The following ILDR2 variants were observed in gnomAD, a reference collection of about 807,000 sequenced individuals.
The protein encoded by ILDR2 is immunoglobulin like domain containing receptor 2.
In ILDR2, 25 loss-of-function variants were observed where a neutral mutation model predicts 66.8. The ratio of observed to expected loss-of-function variants is 0.37; its 90% confidence interval spans 0.27 to 0.52. The LOEUF (loss-of-function observed/expected upper bound fraction) is 0.52. ILDR2 is among the 20% of genes least tolerant of loss of function. ILDR2 has a pLI of 0.88. For synonymous variants in ILDR2, 367 were observed against 357.2 expected (o/e 1.03, Z -0.31); for missense variants, 827 against 876.8 (o/e 0.94, Z 0.72).
At chr1:166,948,768 G>A (rs1339347421) in intron 3 of ILDR2, among the ~76,000 whole-genome samples, 1 of 152,210 alleles carries the variant, frequency 6.6e-6, no homozygotes, top group African/African-American at 2.4e-5. Flanking sequence ...CTCTTTAGCA[G>A]GAGTCTCCAA....
intron 1 of ILDR2, among the ~76,000 whole-genome samples, chr1:166,958,303 G>A (rs1662401383): frequency 6.6e-6 from 1 of 152,108 alleles, no homozygotes; most frequent in Non-Finnish European, 1.5e-5. Flanking sequence ...TTGTGTCCCT[G>A]CCCAAATCTC....
chr1:166,899,195 C>A (rs1659221314), intron 2 of ILDR2, among the ~76,000 whole-genome samples: 1 of 151,974 alleles, frequency 6.6e-6, no homozygotes, highest in South Asian at 2.1e-4. Context: ...GAGTTTGAGA[C>A]CAGCCTGACC....
chr1:166,918,824 T>C lies in ILDR2; in HGVS notation c.*531A>G, dbSNP rs1027356783. 6.3e-6 allele frequency: 1 copy of C among 158,394 alleles called. No individual in the cohort carries two copies. Among genetic ancestry groups the C allele is most frequent in the African/African-American group, 2.4e-5 (1 of 41,708 alleles). The allele number at this position is 158,394 out of a possible 1,614,324, so 9.8% of individuals were successfully genotyped here. On this transcript the variant is annotated 3_prime_UTR_variant, in exon 10 of 10. Coordinates refer to ENST00000271417, the MANE Select transcript of ILDR2 (RefSeq NM_199351.3). ...CTGAGCTCACCAAAGGCCTTTTGAT[T>C]TTAGTGTAACAACAGTCATTGACTA... is the stretch of plus-strand genomic sequence containing the variant.
chr1:166,968,270 G>A (rs1280508835), intron 1 of ILDR2, among the ~76,000 whole-genome samples: 1 of 152,086 alleles, frequency 6.6e-6, no homozygotes, highest in Non-Finnish European at 1.5e-5. Flanking sequence ...CCTTTGCACA[G>A]GCTGTTCTCT....
rs1166922463 is a variant in ILDR2 at position 166,917,339 on chromosome 1, A to G, written c.*2016T>C. ...GCCACTTTCTTATTTCATTGCAAAC[A>G]TAGGACTTTTTTTGGAAATGTCATG... On this transcript the variant is annotated 3_prime_UTR_variant, in exon 10 of 10. Transcript: ENST00000271417. The G allele has an allele frequency of 1.3e-5, 2 of 152,254 alleles. No individual in the cohort carries two copies. Among genetic ancestry groups the G allele is most frequent in the Middle Eastern group, 3.2e-3 (1 of 316 alleles). The allele number at this position is 152,254 out of a possible 1,614,324, so 9.4% of individuals were successfully genotyped here.
chr1:166,970,664 T>C (rs1324581967), intron 1 of ILDR2, among the ~76,000 whole-genome samples: 2 of 152,200 alleles, frequency 1.3e-5, no homozygotes, highest in East Asian at 3.8e-4. Context: ...TGCACCGTAG[T>C]GCGAGTAGTG....
At position 166,915,225 on chromosome 1, in the gene ILDR2, T is replaced by C. The variant is rs926451759; in HGVS notation, c.*4130A>G. 6.6e-6 allele frequency: 1 copy of C among 152,354 alleles called. No individual in the cohort carries two copies. Among genetic ancestry groups the C allele is most frequent in the East Asian group, 1.9e-4 (1 of 5,180 alleles). The allele number at this position is 152,354 out of a possible 1,614,324, so 9.4% of individuals were successfully genotyped here. Reference sequence around the variant, plus strand: ...TCCCACTACCACTAGCGTACTCTGGTGAGCCCATCCAGGTCACAGCCAGAC... The same window carrying C: ...TCCCACTACCACTAGCGTACTCTGGCGAGCCCATCCAGGTCACAGCCAGAC... On this transcript the variant is annotated 3_prime_UTR_variant, in exon 10 of 10. Transcript: ENST00000271417.
intron 3 of ILDR2, among the ~76,000 whole-genome samples, chr1:166,946,188 AG>A (rs990643604): frequency 1.3e-5 from 2 of 152,210 alleles, no homozygotes; most frequent in African/African-American, 4.8e-5. Flanking sequence ...AAATTTCCCA[AG>A]GGCACACACA....
At position 166,921,087 on chromosome 1, in the gene ILDR2, G is replaced by A. The variant is rs1256141156; in HGVS notation, c.1504C>T (p.Arg502Cys). ...AGGTGCGCGTCCTCGGCGGGTCTGC[G>A]GCGCGCGGGGCTGAAGGCCCAGCCG... is the stretch of plus-strand genomic sequence containing the variant. The part of the protein sequence containing the change: ...DRGWAFSPAR[R>C]RPAEDAHLPR... The change falls in exon 9 of 10, where the codon CGC becomes TGC. Residue 502 changes from arginine to cysteine, a missense_variant. Arg to Cys is a radical substitution (Grantham distance 180). Coordinates refer to ENST00000271417, the MANE Select transcript of ILDR2 (RefSeq NM_199351.3). This position sits in a 1 kb window ranked among gnomAD's most constrained non-coding sequence, Gnocchi z 5.3. 3 of 1,491,404 alleles carry A rather than the reference G, an allele frequency of 2.0e-6. No individual in the cohort carries two copies. Among genetic ancestry groups the A allele is most frequent in the African/African-American group, 1.5e-5 (1 of 68,694 alleles). 92.4% of individuals were successfully genotyped at this position (1,491,404 alleles called of 1,614,324 possible).
In ILDR2 at chr1:166,898,938, T is replaced by C. The variant is rs545299384; in HGVS notation, n.172-2837A>G. Among the ~76,000 whole-genome samples the C allele has an allele frequency of 1.1e-4, 17 of 151,300 alleles. No homozygotes were observed. In the South Asian group the frequency reaches 3.1e-3, roughly 28 times the overall value. On this transcript the variant is annotated intron_variant and non_coding_transcript_variant, in intron 2 of 2. Coordinates refer to the ILDR2 transcript ENST00000414590. ...AGCCGGACATGGTGGCACATACCTG[T>C]AGTCCCAACAACTTTGGAGGCTGAG...
chr1:166,940,719 T>A (rs1661263706), intron 3 of ILDR2, among the ~76,000 whole-genome samples: 1 of 152,252 alleles, frequency 6.6e-6, no homozygotes, highest in Non-Finnish European at 1.5e-5. Flanking sequence ...TAAAATATTG[T>A]CATTTCAAGG....
At chr1:166,960,840 A>G (rs1030694789) in intron 1 of ILDR2, among the ~76,000 whole-genome samples, 2 of 152,196 alleles carry the variant, frequency 1.3e-5, no homozygotes, top group African/African-American at 4.8e-5. Flanking sequence ...TAGGAAAATA[A>G]ATTTCTTTAT....
chr1:166,922,885 G>A (rs1660042829), intron 7 of ILDR2, 76 bp from the exon 8 acceptor site: 8 of 1,302,270 alleles, frequency 6.1e-6, no homozygotes, highest in Non-Finnish European at 8.9e-6. Context: ...CCTGTTAAGG[G>A]CTGAGACCCT....
chr1:166,909,746 TATATATATATATAA>T lies in ILDR2; in HGVS notation c.*9595_*9608del, dbSNP rs1659424463. ...GTGTGTGTATACATACATATATATA[TATATATATATATAA>T]ATATATATAAATATATATATTTATA... is the stretch of plus-strand genomic sequence containing the variant. On this transcript the variant is annotated 3_prime_UTR_variant, in exon 10 of 10. Transcript: ENST00000271417. The T allele has an allele frequency of 9.0e-6, 1 of 111,108 alleles. No homozygotes were observed. Among genetic ancestry groups the T allele is most frequent in the African/African-American group, 4.0e-5 (1 of 25,062 alleles). The allele number at this position is 111,108 out of a possible 1,614,324, so 6.9% of individuals were successfully genotyped here.
At chr1:166,966,938 C>T (rs1253050702) in intron 1 of ILDR2, among the ~76,000 whole-genome samples, 2 of 152,212 alleles carry the variant, frequency 1.3e-5, no homozygotes, top group African/African-American at 4.8e-5. Flanking sequence ...GCTCCAGAAT[C>T]AAATATACAA....
Position 166,968,171 on chromosome 1 carries a change from C to T in ILDR2, c.46+7052G>A, listed in dbSNP as rs80260845. On this transcript the variant is annotated intron_variant, in intron 1 of 9. Coordinates refer to ENST00000271417, the MANE Select transcript of ILDR2 (RefSeq NM_199351.3). ...AAGCTCCTTTCAGATGGGGCCATTA[C>T]CTTCCATTCTTCCTACAGTACTAAA... 2.7e-3 allele frequency among the ~76,000 whole-genome samples: 404 copies of T among 152,296 alleles called. 3 individuals carry two copies. The East Asian group carries it at 0.037, about 14-fold the overall frequency.
At position 166,922,777 on chromosome 1, in the gene ILDR2, G is replaced by A; in HGVS notation, c.1027C>T (p.His343Tyr). Reference sequence around the variant, plus strand: ...TGGCGGAAATTGCTGTCCTCCTCATGTAGGGAGCTGAGTTCTGAGATGGTG... The same window carrying A: ...TGGCGGAAATTGCTGTCCTCCTCATATAGGGAGCTGAGTTCTGAGATGGTG... Reference protein sequence around the residue: ...NNTISELSSLHEEDSNFRQSF... With the variant: ...NNTISELSSLYEEDSNFRQSF... The change falls in exon 8 of 10, where the codon CAT becomes TAT. Residue 343 changes from histidine to tyrosine, a missense_variant. By Grantham distance (83) the His-to-Tyr change is moderately conservative. This residue lies in a region of ILDR2 where 437 missense variants were observed against 523.2 expected (regional missense o/e 0.84). Transcript: ENST00000271417. 6.2e-7 allele frequency: 1 copy of A among 1,614,204 alleles called. No individual in the cohort carries two copies. Among genetic ancestry groups the A allele is most frequent in the Non-Finnish European group, 8.5e-7 (1 of 1,180,030 alleles).
intron 6 of ILDR2, among the ~76,000 whole-genome samples, 171 bp from the exon 7 acceptor site, chr1:166,927,351 C>T (rs1349425327): frequency 6.6e-6 from 1 of 152,162 alleles, no homozygotes; most frequent in African/African-American, 2.4e-5. Flanking sequence ...TCTGTGATCC[C>T]CTTTATCAGA....
chr1:166,914,950 T>C lies in ILDR2; in HGVS notation c.*4405A>G, dbSNP rs1000493302. ...TTAGGTAAGACCAAAGTGGGAGTGC[T>C]ATTGGCCAGTCATCCTTATGATTTG... On this transcript the variant is annotated 3_prime_UTR_variant, in exon 10 of 10. Coordinates refer to ENST00000271417, the MANE Select transcript of ILDR2 (RefSeq NM_199351.3). 2.0e-5 allele frequency: 3 copies of C among 152,264 alleles called. No homozygotes were observed. Among genetic ancestry groups the C allele is most frequent in the African/African-American group, 7.2e-5 (3 of 41,470 alleles). 9.4% of individuals were successfully genotyped at this position (152,264 alleles called of 1,614,324 possible).
Sources: gnomAD v4.1 joint callset for allele counts (sites outside exome capture counted in the v4.1 genomes callset) on GRCh38, gnomAD v4.1.1 for gene constraint, gnomAD v4.1.1 regional missense constraint, Gnocchi (gnomAD v3.1) non-coding constraint, MANE v1.5 for transcripts, NCBI Gene and HGNC (gene_info 2026-07-23, HGNC 2026-07-21) for gene names.